Variants in TAFA1 observed in about 807,000 individuals in gnomAD.
TAFA1 encodes the protein TAFA chemokine like family member 1, also known as chemokine-like protein TAFA-1.
In TAFA1, 4 loss-of-function variants were observed where a neutral mutation model predicts 18.5. That is an observed-to-expected ratio of 0.22 (90% CI 0.11 to 0.49). The LOEUF is 0.49. TAFA1 is among the 20% of genes least tolerant of loss of function. The pLI, the probability that TAFA1 is intolerant of heterozygous loss-of-function variation, is 0.98. For missense variants in TAFA1, 147 were observed against 169.0 expected (o/e 0.87, Z 0.72); for synonymous variants, 56 against 55.2 (o/e 1.01, Z -0.06).
At chr3:68,230,273 C>T (rs536878181) in intron 2 of TAFA1, among the ~76,000 whole-genome samples, 1 of 152,064 alleles carries the variant, frequency 6.6e-6, no homozygotes, top group East Asian at 1.9e-4. Context: ...CTGCAACCCC[C>T]CAATGAACCT....
At chr3:67,993,708 CA>C in the TAFA1 span, among the ~76,000 whole-genome samples, 1 of 152,112 alleles carries the variant, frequency 6.6e-6, no homozygotes, top group Non-Finnish European at 1.5e-5. Flanking sequence ...TTTAGTATAC[CA>C]GTACATCTTC....
intron 3 of TAFA1, among the ~76,000 whole-genome samples, chr3:68,479,006 G>A (rs1309956604): frequency 2.7e-5 from 4 of 150,446 alleles, no homozygotes; most frequent in Non-Finnish European, 4.4e-5. Flanking sequence ...GCCGAGGCAA[G>A]TGGATCACGA....
intron 2 of TAFA1, among the ~76,000 whole-genome samples, chr3:68,341,516 T>A (rs2069083304): frequency 6.6e-6 from 1 of 152,214 alleles, no homozygotes; most frequent in Non-Finnish European, 1.5e-5. Flanking sequence ...TAAACCATAA[T>A]TTCTAATTTT....
chr3:68,334,656 A>G (rs1559622169), intron 2 of TAFA1, among the ~76,000 whole-genome samples: 1 of 152,048 alleles, frequency 6.6e-6, no homozygotes, highest in Non-Finnish European at 1.5e-5. Flanking sequence ...ATCAGGTACC[A>G]CATTTTGATT....
At chr3:68,049,086 T>A (rs546174765) in intron 2 of TAFA1, among the ~76,000 whole-genome samples, 1 of 152,126 alleles carries the variant, frequency 6.6e-6, no homozygotes, top group South Asian at 2.1e-4. Flanking sequence ...CTGGGCACAT[T>A]TTTTACTGCA....
intron 2 of TAFA1, among the ~76,000 whole-genome samples, chr3:68,119,384 T>C (rs973799851): frequency 2.6e-5 from 4 of 152,192 alleles, no homozygotes; most frequent in Non-Finnish European, 5.9e-5. Flanking sequence ...GTTTTTAATT[T>C]TGATGTAGTC....
intron 2 of TAFA1, among the ~76,000 whole-genome samples, chr3:68,170,387 C>T (rs2066037588): frequency 6.6e-6 from 1 of 152,176 alleles, no homozygotes; most frequent in South Asian, 2.1e-4. Context: ...GCAAACAGCC[C>T]TATCCCCAGG....
chr3:68,177,232 G>C (rs1282080497), intron 2 of TAFA1, among the ~76,000 whole-genome samples: 1 of 152,164 alleles, frequency 6.6e-6, no homozygotes, highest in Non-Finnish European at 1.5e-5. Flanking sequence ...CTGCCAAGTA[G>C]ACACCAAGGC....
intron 3 of TAFA1, among the ~76,000 whole-genome samples, chr3:68,420,359 A>T (rs1209815255): frequency 6.6e-6 from 1 of 152,138 alleles, no homozygotes; most frequent in Admixed American, 6.6e-5. Flanking sequence ...TGCCAGGTTC[A>T]AGCAACCATT....
intron 3 of TAFA1, among the ~76,000 whole-genome samples, chr3:68,475,160 T>A (rs377338079): frequency 2.0e-4 from 31 of 152,208 alleles, no homozygotes; most frequent in East Asian, 5.8e-4. Flanking sequence ...ATCTCTTTTT[T>A]AAATTATTAT....
intron 2 of TAFA1, among the ~76,000 whole-genome samples, chr3:68,305,786 G>C (rs2068407213): frequency 6.6e-6 from 1 of 151,982 alleles, no homozygotes; most frequent in South Asian, 2.1e-4. Flanking sequence ...AAAAACTCAA[G>C]AGCCAAAAGG....
intron 2 of TAFA1, among the ~76,000 whole-genome samples, chr3:68,410,849 C>T (rs2070702269): frequency 6.6e-6 from 1 of 151,470 alleles, no homozygotes; most frequent in African/African-American, 2.4e-5. Flanking sequence ...TAGGCATTGA[C>T]ACCAAGGAAA....
intron 2 of TAFA1, among the ~76,000 whole-genome samples, chr3:68,339,852 C>T (rs1003047023): frequency 2.6e-5 from 4 of 152,076 alleles, no homozygotes; most frequent in Non-Finnish European, 2.9e-5. Flanking sequence ...TACTGTTCAC[C>T]GATTTGTAAG....
chr3:68,199,794 C>G (rs1450011638), intron 2 of TAFA1, among the ~76,000 whole-genome samples: 1 of 151,366 alleles, frequency 6.6e-6, no homozygotes, highest in African/African-American at 2.4e-5. Context: ...CATTTGAGAA[C>G]AAAGAGTTTT....
intron 3 of TAFA1, among the ~76,000 whole-genome samples, chr3:68,510,222 A>G (rs911929873): frequency 6.6e-6 from 1 of 152,028 alleles, no homozygotes; most frequent in African/African-American, 2.4e-5. Context: ...CACCTCTGCT[A>G]CCTTAGTATC....
chr3:68,249,703 A>G (rs1396202674), intron 2 of TAFA1, among the ~76,000 whole-genome samples: 1 of 152,180 alleles, frequency 6.6e-6, no homozygotes, highest in African/African-American at 2.4e-5. Context: ...GAAAACTGAA[A>G]GGGAAAATCA....
At chr3:68,339,986 G>A (rs2069052584) in intron 2 of TAFA1, among the ~76,000 whole-genome samples, 1 of 152,162 alleles carries the variant, frequency 6.6e-6, no homozygotes, top group African/African-American at 2.4e-5. Context: ...GTTCCACCAA[G>A]GAGTTTCCTA....
At chr3:68,208,097 A>G (rs570759133) in intron 2 of TAFA1, among the ~76,000 whole-genome samples, 96 of 151,906 alleles carry the variant, frequency 6.3e-4, no homozygotes, top group Non-Finnish European at 1.2e-3. Context: ...AGATGAGGTT[A>G]TTTTTTAAAA....
intron 2 of TAFA1, among the ~76,000 whole-genome samples, chr3:68,313,094 G>C (rs2068548015): frequency 6.6e-6 from 1 of 152,118 alleles, no homozygotes; most frequent in Non-Finnish European, 1.5e-5. Flanking sequence ...TTGATCCCAT[G>C]AATAATCATT....
Sources: allele counts gnomAD v4.1 joint callset (sites outside exome capture counted in the v4.1 genomes callset), GRCh38; gene constraint gnomAD v4.1.1; transcripts MANE v1.5; gene names NCBI Gene and HGNC (gene_info 2026-07-23, HGNC 2026-07-21).